The following SMIM45 variants were observed in gnomAD, a reference collection of about 807,000 sequenced individuals.
The protein encoded by SMIM45 is small integral membrane protein 45.
the SMIM45 span, among the ~76,000 whole-genome samples, chr22:41,948,551 C>T: frequency 7.6e-4 from 116 of 152,248 alleles, 1 homozygote; most frequent in African/African-American, 2.6e-3. Context: ...AGCACAGATA[C>T]GGCTTTCATT....
the SMIM45 span, among the ~76,000 whole-genome samples, chr22:41,947,428 C>T: frequency 1.3e-5 from 2 of 150,138 alleles, no homozygotes; most frequent in East Asian, 2.0e-4. Context: ...GTGCAATGCG[C>T]GCAATCTCGG....
chr22:41,953,478 T>C, the SMIM45 span, among the ~76,000 whole-genome samples: 1 of 152,198 alleles, frequency 6.6e-6, no homozygotes, highest in Non-Finnish European at 1.5e-5. Flanking sequence ...GCTCTGCCAC[T>C]TTCCAGTTGG....
the SMIM45 span, chr22:41,947,226 C>A: frequency 4.6e-6 from 3 of 657,892 alleles, no homozygotes; most frequent in East Asian, 5.5e-5. Flanking sequence ...AGGAACCGAA[C>A]CTTTATCTCC....
At chr22:41,947,099 G>A in the SMIM45 span, 2 of 1,611,780 alleles carry the variant, frequency 1.2e-6, no homozygotes, top group Non-Finnish European at 8.5e-7. Context: ...ACCAACCGTT[G>A]CTCCTGCGGT....
At chr22:41,954,150 TTATCTGTAAAA>T in the SMIM45 span, among the ~76,000 whole-genome samples, 3 of 151,944 alleles carry the variant, frequency 2.0e-5, no homozygotes, top group South Asian at 6.2e-4. Flanking sequence ...CTCAGTTTCC[TTATCTGTAAAA>T]TGGGGATAGG....
chr22:41,954,098 A>G, the SMIM45 span, among the ~76,000 whole-genome samples: 1 of 152,028 alleles, frequency 6.6e-6, no homozygotes, highest in African/African-American at 2.4e-5. Context: ...TGCCTGGCAC[A>G]TAACAAGTGC....
the SMIM45 span, among the ~76,000 whole-genome samples, chr22:41,949,146 G>A: frequency 1.3e-5 from 2 of 152,094 alleles, no homozygotes; most frequent in Non-Finnish European, 2.9e-5. Flanking sequence ...TCGGGAGGCT[G>A]AGGCAGGAGA....
chr22:41,950,360 T>G, the SMIM45 span, among the ~76,000 whole-genome samples: 1 of 152,158 alleles, frequency 6.6e-6, no homozygotes, highest in African/African-American at 2.4e-5. Context: ...TCCTGCCCCT[T>G]TGTGATTCTT....
chr22:41,948,163 T>C, the SMIM45 span, among the ~76,000 whole-genome samples: 427 of 152,298 alleles, frequency 2.8e-3, 1 homozygote, highest in Non-Finnish European at 4.7e-3. Context: ...ACATCTAAAA[T>C]GTAAGAAACA....
chr22:41,955,289 C>T, the SMIM45 span, among the ~76,000 whole-genome samples: 1 of 151,810 alleles, frequency 6.6e-6, no homozygotes, highest in Non-Finnish European at 1.5e-5. Flanking sequence ...AAGCAACTCT[C>T]CTGCCTCAGC....
chr22:41,954,925 C>T, the SMIM45 span, among the ~76,000 whole-genome samples: 3 of 152,010 alleles, frequency 2.0e-5, no homozygotes, highest in Non-Finnish European at 4.4e-5. Flanking sequence ...GCAGGAGAAT[C>T]GCTTGAAGGT....
the SMIM45 span, among the ~76,000 whole-genome samples, chr22:41,957,101 A>G: frequency 6.7e-6 from 1 of 149,882 alleles, no homozygotes; most frequent in Non-Finnish European, 1.5e-5. Context: ...TAAAGGGTGA[A>G]TAGGAGCTGG....
At chr22:41,957,940 A>AGCCCGCCCC in the SMIM45 span, 1 of 115,082 alleles carries the variant, frequency 8.7e-6, no homozygotes, top group Non-Finnish European at 1.8e-5. Context: ...GCCCTCCCCC[A>AGCCCGCCCC]GCCCGCCCCG....
At chr22:41,956,593 C>G in the SMIM45 span, among the ~76,000 whole-genome samples, 3 of 152,190 alleles carry the variant, frequency 2.0e-5, no homozygotes, top group African/African-American at 4.8e-5. Context: ...CTCAGGGGCA[C>G]AAGGAGACCA....
chr22:41,948,391 G>T, the SMIM45 span, among the ~76,000 whole-genome samples: 140 of 152,256 alleles, frequency 9.2e-4, no homozygotes, highest in African/African-American at 3.2e-3. Context: ...ATGGGGGTGG[G>T]ATAGACAATG....
At chr22:41,957,974 A>G in the SMIM45 span, 1 of 97,406 alleles carries the variant, frequency 1.0e-5, no homozygotes, top group Non-Finnish European at 2.0e-5. Context: ...GAGACCCCCA[A>G]GGCAGAGGGA....
chr22:41,958,483 G>GGA, the SMIM45 span: 6,107 of 348,210 alleles, frequency 0.018, 1 homozygote, highest in South Asian at 0.03. Flanking sequence ...GGGTTGGTGA[G>GGA]GAGAGAGAGA....
the SMIM45 span, among the ~76,000 whole-genome samples, chr22:41,950,234 A>G: frequency 3.9e-5 from 6 of 152,250 alleles, no homozygotes; most frequent in African/African-American, 1.4e-4. Context: ...AGGGACACGT[A>G]TAATCAACTA....
chr22:41,956,685 A>G, the SMIM45 span, among the ~76,000 whole-genome samples: 1 of 152,186 alleles, frequency 6.6e-6, no homozygotes, highest in Non-Finnish European at 1.5e-5. Flanking sequence ...CTGAATCCTC[A>G]CTAGGACCAG....
Sources: gnomAD v4.1 joint callset for allele counts (sites outside exome capture counted in the v4.1 genomes callset) on GRCh38, gnomAD v4.1.1 for gene constraint, MANE v1.5 for transcripts, NCBI Gene and HGNC (gene_info 2026-07-23, HGNC 2026-07-21) for gene names.